POLQ: variants seen among roughly 807,000 people sequenced by gnomAD.
POLQ encodes epididymis secretory sperm binding protein.
A neutral mutation model predicts 259.2 loss-of-function variants in POLQ; 233 were observed. The ratio of observed to expected loss-of-function variants is 0.90; its 90% CI spans 0.81 to 1.00. The LOEUF is 1.00. Among genes scored for constraint, POLQ ranks in the 50% least tolerant of loss-of-function variants. The probability of loss-of-function intolerance (pLI) is 0.00; values close to 1 mark genes in which losing one functional copy is unlikely to be tolerated. For synonymous variants in POLQ, 1,025 were observed against 1,048.8 expected (o/e 0.98, Z 0.44); for missense variants, 2,871 against 3,051.6 (o/e 0.94, Z 1.39).
chr3:121,452,496 T>G (rs1422991855), intron 25 of POLQ, among the ~76,000 whole-genome samples: 2 of 149,586 alleles, frequency 1.3e-5, no homozygotes, highest in South Asian at 4.2e-4. Context: ...TACTCCTGTT[T>G]TTTTTTTTTT....
intron 12 of POLQ, among the ~76,000 whole-genome samples, chr3:121,505,903 T>C (rs2048204796): frequency 6.7e-6 from 1 of 149,374 alleles, no homozygotes; most frequent in South Asian, 2.1e-4. Context: ...ATGTCTGTAA[T>C]CCCAGCTACT....
At chr3:121,512,450 C>T (rs1438832695) in intron 9 of POLQ, among the ~76,000 whole-genome samples, 2 of 152,196 alleles carry the variant, frequency 1.3e-5, no homozygotes, top group Non-Finnish European at 2.9e-5. Context: ...TAACTTCTAT[C>T]TTCCATTAGT....
intron 22 of POLQ, among the ~76,000 whole-genome samples, chr3:121,469,488 T>C (rs1261955356): frequency 6.6e-6 from 1 of 152,194 alleles, no homozygotes; most frequent in Non-Finnish European, 1.5e-5. Context: ...TCCCCTAATA[T>C]TATGTCTTTG....
At position 121,496,504 on chromosome 3, in the gene POLQ, A is replaced by G. The variant is rs79240704; in HGVS notation, c.2278+304T>C. Among the ~76,000 whole-genome samples the G allele has an allele frequency of 2.3e-3, 353 of 152,272 alleles. 1 individual carries two copies. Among genetic ancestry groups the G allele is most frequent in the African/African-American group, 7.4e-3 (307 of 41,548 alleles). On this transcript the variant is annotated intron_variant, in intron 14 of 29. Transcript: ENST00000264233. ...GTACCTTAATGAGAAAGGGGAGACC[A>G]CAGAGAACTTTGTTTCTGTTTCTTC...
chr3:121,498,524 T>G lies in POLQ; in HGVS notation c.2106A>C (p.Val702=). The G allele has an allele frequency of 3.1e-6, 5 of 1,614,192 alleles. No homozygotes were observed. The highest frequency in any genetic ancestry group is 3.4e-6 in the Non-Finnish European group (4 of 1,180,026). Residue 702 remains valine (V), a synonymous_variant, in exon 13 of 30, where the codon GTA becomes GTC. Transcript: ENST00000264233. ...GATGCTGTCTCTCAGTTCTGGCTAC[T>G]ACTTTTCCTTTCACACAACGGGCCA... is the stretch of plus-strand genomic sequence containing the variant. ...GFLARCVKGK[V]VARTERQHRQ...
rs566061409 is a variant in POLQ at position 121,493,984 on chromosome 3, G to C, written c.2279-263C>G. The C allele has an allele frequency of 2.0e-4, 120 of 598,992 alleles. 3 individuals are homozygous for C. The South Asian group carries it at 2.4e-3, about 12-fold the overall frequency. 37.1% of individuals were successfully genotyped at this position (598,992 alleles called of 1,614,324 possible). A position where few individuals can be genotyped will look rare whatever the true frequency, so the allele number is the denominator to read the frequency against. ...CTCAAGTTAATACATGAAAACTGAG[G>C]CAGAGCACATAAACACAAAACAAAC... On this transcript the variant is annotated intron_variant, in intron 14 of 29. Coordinates refer to ENST00000264233, the MANE Select transcript of POLQ (RefSeq NM_199420.4).
rs1182569894 is a variant in POLQ at position 121,488,799 on chromosome 3, C to T, written c.4132G>A (p.Glu1378Lys). 6.2e-7 allele frequency: 1 copy of T among 1,613,856 alleles called. No individual in the cohort carries two copies. Among genetic ancestry groups the T allele is most frequent in the East Asian group, 2.2e-5 (1 of 44,864 alleles). ...TTAGTCGCTCCTAGAGGGTGCTGTTCAGCAGGAAAAGGAATGTGACACTCC... is the reference window on the plus strand; with the variant it reads ...TTAGTCGCTCCTAGAGGGTGCTGTTTAGCAGGAAAAGGAATGTGACACTCC... ...QKECHIPFPAEQHPLGATKID... is the reference protein window; with the variant it reads ...QKECHIPFPAKQHPLGATKID... The change falls in exon 16 of 30, where the codon GAA becomes AAA. Residue 1378 changes from glutamate to lysine, a missense_variant. Glu to Lys is a moderately conservative substitution (Grantham distance 56). Transcript: ENST00000264233.
At chr3:121,511,849 T>A (rs377415593) in intron 10 of POLQ, 38 bp downstream of exon 10, 2 of 1,534,274 alleles carry the variant, frequency 1.3e-6, no homozygotes, top group South Asian at 2.4e-5. Context: ...AATTTAGGCA[T>A]AAAAGAGCAA....
chr3:121,461,441 A>G (rs961879327), intron 24 of POLQ, among the ~76,000 whole-genome samples: 10 of 152,142 alleles, frequency 6.6e-5, no homozygotes, highest in African/African-American at 2.4e-4. Flanking sequence ...TGACGAGGTC[A>G]GGAGATCGAG....
Position 121,529,737 on chromosome 3 carries a change from G to A in POLQ, c.1016C>T (p.Ser339Leu). 1 of 1,611,432 alleles carries A rather than the reference G, an allele frequency of 6.2e-7. No individual in the cohort carries two copies. Among genetic ancestry groups the A allele is most frequent in the Non-Finnish European group, 8.5e-7 (1 of 1,177,922 alleles). ...LCYETICDNH[S>L]VLLFCPSKKW... ...CTTTGATGGACAAAAAAGTAATACT[G>A]AATGGTTATCACAAATCGTCTCATA... The change falls in exon 7 of 30, where the codon TCA becomes TTA. Residue 339 changes from serine to leucine, a missense_variant. Ser to Leu is a moderately radical substitution (Grantham distance 145, BLOSUM62 -2). Transcript: ENST00000264233.
Position 121,529,748 on chromosome 3 carries a change from A to G in POLQ, c.1005T>C (p.Cys335=), listed in dbSNP as rs1469964517. ...HVVSLCYETI[C]DNHSVLLFCP... ...AAAAAAGTAATACTGAATGGTTATC[A>G]CAAATCGTCTCATAACATAAACTAA... is the stretch of plus-strand genomic sequence containing the variant. Residue 335 remains cysteine (C), a synonymous_variant, in exon 7 of 30, where the codon TGT becomes TGC. Transcript: ENST00000264233. 5 of 1,612,498 alleles carry G rather than the reference A, an allele frequency of 3.1e-6. No individual in the cohort carries two copies. Among genetic ancestry groups the G allele is most frequent in the Non-Finnish European group, 4.2e-6 (5 of 1,178,938 alleles).
At chr3:121,491,346 C>CAAAAAA (rs3045625) in intron 15 of POLQ, among the ~76,000 whole-genome samples, 82 of 77,984 alleles carry the variant, frequency 1.1e-3, no homozygotes, top group African/African-American at 1.4e-3. Flanking sequence ...GAGACTGTCA[C>CAAAAAA]AAAAAAAAAA....
At chr3:121,454,543 C>T (rs1171106964) in intron 25 of POLQ, among the ~76,000 whole-genome samples, 1 of 151,858 alleles carries the variant, frequency 6.6e-6, no homozygotes, top group Non-Finnish European at 1.5e-5. Flanking sequence ...GGAAGATCTA[C>T]CAAGCAAATG....
Position 121,489,613 on chromosome 3 carries a change from C to T in POLQ, c.3318G>A (p.Lys1106=). The T allele has an allele frequency of 6.2e-7, 1 of 1,613,582 alleles. No homozygotes were observed. Among genetic ancestry groups the T allele is most frequent in the Non-Finnish European group, 8.5e-7 (1 of 1,179,822 alleles). The change falls in exon 16 of 30, where the codon AAG becomes AAA. Residue 1106 remains lysine, a synonymous_variant. Transcript: ENST00000264233. The part of the protein sequence containing the change: ...PFAKNVSLSG[K]EKDNKTSFPL... ...GGAATGATGTTTTATTATCTTTTTC[C>T]TTACCACTCAAAGATACATTTTTAG...
intron 12 of POLQ, among the ~76,000 whole-genome samples, chr3:121,498,996 G>A (rs753983594): frequency 2.2e-4 from 33 of 152,116 alleles, no homozygotes; most frequent in Non-Finnish European, 3.8e-4. Context: ...CAGGAGGATC[G>A]CTTGAGCCCA....
Position 121,533,024 on chromosome 3 carries a change from A to G in POLQ, c.926T>C (p.Leu309Pro), listed in dbSNP as rs1335819231. Residue 309 changes from leucine (L) to proline (P), a missense_variant, in exon 6 of 30, where the codon CTT (leucine) becomes CCT (proline). Around this residue, in one of 3 missense-constraint regions of POLQ, gnomAD observed 783 missense variants for 906.2 expected, o/e 0.86. Coordinates refer to ENST00000264233, the MANE Select transcript of POLQ (RefSeq NM_199420.4). ...GNSIYDSSMKLVREFEPMLQV... is the reference protein window; with the variant it reads ...GNSIYDSSMKPVREFEPMLQV... ...TAGCATGGGCTCAAATTCCCTCACA[A>G]GTTTCATTGAAGAGTCATATATGGA... 1 of 1,612,690 alleles carries G rather than the reference A, an allele frequency of 6.2e-7. No homozygotes were observed. The highest frequency in any genetic ancestry group is 1.7e-5 in the Admixed American group (1 of 59,802).
chr3:121,526,528 T>G (rs2048374745), intron 7 of POLQ, among the ~76,000 whole-genome samples: 1 of 152,162 alleles, frequency 6.6e-6, no homozygotes, highest in Admixed American at 6.6e-5. Flanking sequence ...AATAGGGCAC[T>G]TTCATCTGCA....
At chr3:121,533,828 G>T (rs562653850) in intron 5 of POLQ, among the ~76,000 whole-genome samples, 1 of 149,756 alleles carries the variant, frequency 6.7e-6, no homozygotes, top group Non-Finnish European at 1.5e-5. Flanking sequence ...TTTCTTTGAA[G>T]AAGTAATTTA....
At chr3:121,501,718 G>A (rs896228034) in intron 12 of POLQ, among the ~76,000 whole-genome samples, 1 of 143,404 alleles carries the variant, frequency 7.0e-6, no homozygotes, top group African/African-American at 2.6e-5. Context: ...AGCGGCTCAT[G>A]CCTGTAATCC....
Sources: gnomAD v4.1 joint callset for allele counts (sites outside exome capture counted in the v4.1 genomes callset) on GRCh38, gnomAD v4.1.1 for gene constraint, gnomAD v4.1.1 regional missense constraint, MANE v1.5 for transcripts, NCBI Gene and HGNC (gene_info 2026-07-23, HGNC 2026-07-21) for gene names.